The following TMPRSS15 variants were observed in gnomAD, a reference collection of about 807,000 sequenced individuals.
The protein encoded by TMPRSS15 is transmembrane serine protease 15.
Under a neutral mutation model 125.3 loss-of-function variants are expected in TMPRSS15, and 128 were observed. The ratio of observed to expected loss-of-function variants is 1.02; its 90% confidence interval spans 0.89 to 1.18. The LOEUF is 1.18. TMPRSS15 is among the 50% of genes most tolerant of loss of function. The pLI is 0.00. For synonymous variants in TMPRSS15, 446 were observed against 423.2 expected (o/e 1.05, Z -0.66); for missense variants, 1,283 against 1,212.7 (o/e 1.06, Z -0.86).
intron 1 of TMPRSS15, among the ~76,000 whole-genome samples, chr21:18,450,293 T>C (rs2123253613): frequency 6.6e-6 from 1 of 152,212 alleles, no homozygotes. Context: ...ATATTTCATC[T>C]GGGGTTGCAT....
At chr21:18,364,449 G>C (rs969831913) in intron 7 of TMPRSS15, among the ~76,000 whole-genome samples, 1 of 152,090 alleles carries the variant, frequency 6.6e-6, no homozygotes, top group African/African-American at 2.4e-5. Context: ...GTTTTAATAA[G>C]TTTATTTCAG....
chr21:18,307,060 A>G (rs1474853585), intron 18 of TMPRSS15, among the ~76,000 whole-genome samples: 2 of 152,166 alleles, frequency 1.3e-5, no homozygotes, highest in Non-Finnish European at 2.9e-5. Context: ...ATTACTTTCT[A>G]CTGCAGCAAA....
intron 1 of TMPRSS15, among the ~76,000 whole-genome samples, chr21:18,399,038 C>G (rs867225634): frequency 3.3e-5 from 5 of 151,870 alleles, no homozygotes; most frequent in Admixed American, 1.3e-4. Context: ...CTACATAATC[C>G]CTTTATCAGC....
chr21:18,469,617 A>T (rs910377761), intron 1 of TMPRSS15, among the ~76,000 whole-genome samples: 3 of 152,076 alleles, frequency 2.0e-5, no homozygotes, highest in Non-Finnish European at 2.9e-5. Flanking sequence ...GATTTAAATC[A>T]GGAAGAAAGT....
chr21:18,466,571 A>G (rs976702365), intron 1 of TMPRSS15, among the ~76,000 whole-genome samples: 17 of 152,210 alleles, frequency 1.1e-4, no homozygotes, highest in Non-Finnish European at 2.9e-5. Context: ...TATACAAGAA[A>G]AAAACAACCC....
chr21:18,432,256 G>A (rs926201269), intron 1 of TMPRSS15, among the ~76,000 whole-genome samples: 1 of 151,998 alleles, frequency 6.6e-6, no homozygotes, highest in African/African-American at 2.4e-5. Flanking sequence ...ATACTTCTCT[G>A]AACTCTTCTA....
chr21:18,451,039 A>G (rs1469201976), intron 1 of TMPRSS15, among the ~76,000 whole-genome samples: 3 of 152,160 alleles, frequency 2.0e-5, no homozygotes, highest in Non-Finnish European at 4.4e-5. Context: ...TTACAATGCA[A>G]TGTTCTATCA....
At chr21:18,375,488 T>A (rs1335721542) in intron 5 of TMPRSS15, among the ~76,000 whole-genome samples, 1 of 152,212 alleles carries the variant, frequency 6.6e-6, no homozygotes, top group Non-Finnish European at 1.5e-5. Context: ...AGAAAATTTT[T>A]AGGAAAGGAG....
chr21:18,294,452 A>C lies in TMPRSS15; in HGVS notation c.2312-8T>G, dbSNP rs368032551. On this transcript the variant is annotated splice_polypyrimidine_tract_variant and splice_region_variant and intron_variant, in intron 20 of 24. Transcript: ENST00000284885. ...CCAGTTTTTTTCCACAAGCTATTAA[A>C]ATAATTGGAGAAAGAGCATCTATTT... 2.2e-5 allele frequency: 36 copies of C among 1,614,208 alleles called. No homozygotes were observed. Among genetic ancestry groups the C allele is most frequent in the Non-Finnish European group, 3.1e-5 (36 of 1,180,034 alleles).
At chr21:18,417,481 G>A (rs1440390130) in intron 1 of TMPRSS15, among the ~76,000 whole-genome samples, 3 of 152,104 alleles carry the variant, frequency 2.0e-5, no homozygotes, top group Admixed American at 2.0e-4. Context: ...AATAGTTAAT[G>A]CAATTTTCTA....
chr21:18,395,123 G>A (rs961085871), intron 3 of TMPRSS15, among the ~76,000 whole-genome samples: 7 of 152,122 alleles, frequency 4.6e-5, no homozygotes, highest in Non-Finnish European at 4.4e-5. Flanking sequence ...CAGGGCTTGC[G>A]TGGAAAAAGG....
At chr21:18,480,898 T>G (rs1051886341) in intron 1 of TMPRSS15, among the ~76,000 whole-genome samples, 15 of 151,752 alleles carry the variant, frequency 9.9e-5, no homozygotes, top group African/African-American at 3.6e-4. Flanking sequence ...ATTCTGAAAA[T>G]GAGACTGACA....
intron 10 of TMPRSS15, among the ~76,000 whole-genome samples, chr21:18,346,501 T>C (rs2824755): frequency 1.3e-5 from 2 of 152,046 alleles, no homozygotes; most frequent in Non-Finnish European, 2.9e-5. Flanking sequence ...ACATCTCTCC[T>C]AAGTCTTCTC....
chr21:18,313,019 G>C lies in TMPRSS15; in HGVS notation c.2091C>G (p.Ser697Arg). 3 of 1,614,044 alleles carry C rather than the reference G, an allele frequency of 1.9e-6. No homozygotes were observed. Among genetic ancestry groups the C allele is most frequent in the Non-Finnish European group, 2.5e-6 (3 of 1,179,978 alleles). The change falls in exon 18 of 25, where the codon AGC becomes AGG. Residue 697 changes from serine (S) to arginine (R), a missense_variant. Coordinates refer to ENST00000284885, the MANE Select transcript of TMPRSS15 (RefSeq NM_002772.3). ...NNGLVRFRIQ[S>R]IWHTACAENW... ...TCTCAGCACAAGCTGTATGCCATAT[G>C]CTCTGGATTCTGAACCGCACTAAAC...
At chr21:18,448,876 T>C (rs923918785) in intron 1 of TMPRSS15, among the ~76,000 whole-genome samples, 1 of 152,176 alleles carries the variant, frequency 6.6e-6, no homozygotes, top group Non-Finnish European at 1.5e-5. Flanking sequence ...AATGATAAAC[T>C]ATTTCTTTCA....
intron 1 of TMPRSS15, among the ~76,000 whole-genome samples, chr21:18,462,576 G>A (rs1339138430): frequency 6.6e-6 from 1 of 151,894 alleles, no homozygotes; most frequent in African/African-American, 2.4e-5. Context: ...TAAAACTTTT[G>A]AAACATTTAA....
chr21:18,479,547 C>A (rs1978940174), intron 1 of TMPRSS15, among the ~76,000 whole-genome samples: 1 of 151,482 alleles, frequency 6.6e-6, no homozygotes, highest in African/African-American at 2.4e-5. Flanking sequence ...TACAAGAAAA[C>A]AAACAAACAA....
intron 16 of TMPRSS15, among the ~76,000 whole-genome samples, chr21:18,316,195 T>C (rs944798189): frequency 6.6e-6 from 1 of 152,186 alleles, no homozygotes; most frequent in Admixed American, 6.5e-5. Flanking sequence ...ACCTCAGACA[T>C]CTCTTTTGCA....
chr21:18,456,991 G>A (rs191346936), intron 1 of TMPRSS15, among the ~76,000 whole-genome samples: 1 of 152,128 alleles, frequency 6.6e-6, no homozygotes, highest in East Asian at 1.9e-4. Flanking sequence ...GCAATAGAAT[G>A]TTAGGTTTAA....
Sources: gnomAD v4.1 joint callset for allele counts (sites outside exome capture counted in the v4.1 genomes callset) on GRCh38, gnomAD v4.1.1 for gene constraint, MANE v1.5 for transcripts, NCBI Gene and HGNC (gene_info 2026-07-23, HGNC 2026-07-21) for gene names.